The following ENPEP variants were observed in gnomAD, a reference collection of about 807,000 sequenced individuals.
ENPEP encodes AP-A.
Under a neutral mutation model 114.5 loss-of-function variants are expected in ENPEP, and 103 were observed. The ratio of observed to expected loss-of-function variants is 0.90; its 90% confidence interval spans 0.77 to 1.06. The LOEUF is 1.06. Among genes scored for constraint, ENPEP ranks in the 50% least tolerant of loss-of-function variants. ENPEP has a pLI of 0.00. For missense variants in ENPEP, 1,196 were observed against 1,161.3 expected, an observed-to-expected ratio of 1.03 and a Z score of -0.43; for synonymous variants, 420 against 422.0, an observed-to-expected ratio of 1.00 and a Z score of 0.06.
intron 3 of ENPEP, among the ~76,000 whole-genome samples, chr4:110,497,091 C>T (rs900187790): frequency 2.6e-5 from 4 of 152,256 alleles, no homozygotes; most frequent in Admixed American, 2.0e-4. Flanking sequence ...ATGTGAATAT[C>T]CTGTTAGTTC....
chr4:110,552,786 C>T (rs1727338482), intron 17 of ENPEP, among the ~76,000 whole-genome samples: 1 of 151,964 alleles, frequency 6.6e-6, no homozygotes, highest in Non-Finnish European at 1.5e-5. Flanking sequence ...TATTTGTATT[C>T]TTAATTATTG....
chr4:110,492,704 G>T (rs1392451946), intron 3 of ENPEP, among the ~76,000 whole-genome samples: 1 of 152,218 alleles, frequency 6.6e-6, no homozygotes, highest in East Asian at 1.9e-4. Flanking sequence ...AATGGCATCA[G>T]AAATAGGAAG....
intron 8 of ENPEP, among the ~76,000 whole-genome samples, chr4:110,516,539 C>G (rs1456423024): frequency 6.6e-6 from 1 of 152,082 alleles, no homozygotes; most frequent in African/African-American, 2.4e-5. Flanking sequence ...GAGCAGAAAA[C>G]AGGTTGGAGA....
intron 12 of ENPEP, 30 bp downstream of exon 12, chr4:110,542,917 AT>A (rs1726905625): frequency 4.3e-6 from 7 of 1,610,478 alleles, no homozygotes; most frequent in Non-Finnish European, 5.9e-6. Context: ...GGAAACTTTT[AT>A]TTTTGTTCTA....
chr4:110,489,622 A>C (rs1724628704), intron 2 of ENPEP, among the ~76,000 whole-genome samples: 1 of 152,230 alleles, frequency 6.6e-6, no homozygotes. Context: ...AAAGGCTGAT[A>C]ATTTCTGCTG....
At chr4:110,548,438 G>A in intron 14 of ENPEP, 112 bp downstream of exon 14, 1 of 886,246 alleles carries the variant, frequency 1.1e-6, no homozygotes, top group Non-Finnish European at 1.6e-6. Context: ...TGCTTGCCAG[G>A]TGGAATCAAA....
intron 10 of ENPEP, among the ~76,000 whole-genome samples, chr4:110,522,895 T>G (rs1726056557): frequency 6.6e-6 from 1 of 151,984 alleles, no homozygotes; most frequent in Admixed American, 6.6e-5. Context: ...GAAAGGGTTT[T>G]GGGGGTTGGA....
Position 110,513,104 on chromosome 4 carries a change from A to G in ENPEP, c.1309-311A>G, listed in dbSNP as rs574530938. 9.2e-4 allele frequency: 177 copies of G among 191,980 alleles called. 1 individual carries two copies. The highest frequency in any genetic ancestry group is 3.9e-3 in the African/African-American group (168 of 42,776). The allele number at this position is 191,980 out of a possible 1,614,324, so 11.9% of individuals were successfully genotyped here. On this transcript the variant is annotated intron_variant, in intron 6 of 19. Transcript: ENST00000265162. ...GTCATCATTCTCATTGCACAGATAT[A>G]GAAATAGGGCTTGAAAAGTTTGGCA...
intron 13 of ENPEP, among the ~76,000 whole-genome samples, chr4:110,547,147 T>C (rs1176480111): frequency 1.3e-5 from 2 of 152,082 alleles, no homozygotes. Flanking sequence ...TAGCTCAATA[T>C]AGAAGAGCAA....
intron 8 of ENPEP, chr4:110,519,509 G>A (rs1447792094): frequency 6.2e-6 from 1 of 162,246 alleles, no homozygotes; most frequent in East Asian, 1.7e-4. Context: ...ATAGAAAGAG[G>A]TTTTGTAAAG....
intron 8 of ENPEP, among the ~76,000 whole-genome samples, chr4:110,517,267 C>T (rs572079187): frequency 6.6e-6 from 1 of 152,200 alleles, no homozygotes; most frequent in South Asian, 2.1e-4. Flanking sequence ...ATCAGGGACT[C>T]TGTCTTCTAT....
intron 1 of ENPEP, among the ~76,000 whole-genome samples, chr4:110,486,169 C>T (rs1724492802): frequency 6.6e-6 from 1 of 152,100 alleles, no homozygotes; most frequent in African/African-American, 2.4e-5. Flanking sequence ...TTTATTTATT[C>T]ATTTTAAAAA....
chr4:110,550,407 C>CT (rs1176510438), intron 17 of ENPEP, among the ~76,000 whole-genome samples: 1 of 152,038 alleles, frequency 6.6e-6, no homozygotes, highest in Non-Finnish European at 1.5e-5. Flanking sequence ...ACTTGAATTC[C>CT]TTTGGCTGAT....
At chr4:110,560,451 T>C (rs938914239) in intron 19 of ENPEP, among the ~76,000 whole-genome samples, 2 of 152,246 alleles carry the variant, frequency 1.3e-5, no homozygotes, top group Admixed American at 1.3e-4. Flanking sequence ...ATGTCTTTAT[T>C]TATCTTGATA....
chr4:110,520,103 T>G lies in ENPEP; in HGVS notation c.1575+30T>G. 4 of 1,608,498 alleles carry G rather than the reference T, an allele frequency of 2.5e-6. No homozygotes were observed. The South Asian group carries it at 3.3e-5, about 13-fold the overall frequency. On this transcript the variant is annotated intron_variant, in intron 9 of 19. Transcript: ENST00000265162. Reference sequence around the variant, plus strand: ...GGAAGAGTATATGTCCCCAAATATTTCTTTGTCTGATTTACAAATGGCTTA... The same window carrying G: ...GGAAGAGTATATGTCCCCAAATATTGCTTTGTCTGATTTACAAATGGCTTA...
chr4:110,527,236 C>T (rs1420684341), intron 10 of ENPEP, among the ~76,000 whole-genome samples: 1 of 152,178 alleles, frequency 6.6e-6, no homozygotes, highest in East Asian at 1.9e-4. Flanking sequence ...GACACCTGAA[C>T]TGGAGAAGCA....
In ENPEP at chr4:110,520,202, T is replaced by G; in HGVS notation, c.1576-13T>G. On this transcript the variant is annotated splice_polypyrimidine_tract_variant and intron_variant, in intron 9 of 19. Transcript: ENST00000265162. ...TGTTAATTAATTAATCTCCATTTTG[T>G]TTTCAATCTTAGGCAAGTAGGCTAC... The G allele has an allele frequency of 5.6e-6, 9 of 1,611,862 alleles. No homozygotes were observed. The highest frequency in any genetic ancestry group is 7.6e-6 in the Non-Finnish European group (9 of 1,178,512).
intron 11 of ENPEP, among the ~76,000 whole-genome samples, chr4:110,540,388 A>G (rs1726807079): frequency 1.3e-5 from 2 of 152,168 alleles, no homozygotes; most frequent in South Asian, 4.1e-4. Context: ...CAAGTGCTCC[A>G]TAAAGAATAC....
chr4:110,480,503 A>G (rs994528661), intron 1 of ENPEP, among the ~76,000 whole-genome samples: 1 of 152,182 alleles, frequency 6.6e-6, no homozygotes, highest in African/African-American at 2.4e-5. Flanking sequence ...ATAGTAATAC[A>G]TTTGAAGTAC....
Sources: allele counts gnomAD v4.1 joint callset (sites outside exome capture counted in the v4.1 genomes callset), GRCh38; gene constraint gnomAD v4.1.1; transcripts MANE v1.5; gene names NCBI Gene and HGNC (gene_info 2026-07-23, HGNC 2026-07-21).